RNF144A: variants seen among roughly 807,000 people sequenced by gnomAD.
RNF144A encodes the protein E3 ubiquitin-protein ligase RNF144A.
A neutral mutation model predicts 38.7 loss-of-function variants in RNF144A; 11 were observed. The observed-to-expected ratio is 0.28, with a 90% CI of 0.18 to 0.47. The LOEUF (loss-of-function observed/expected upper bound fraction) is 0.47. Among genes scored for constraint, RNF144A ranks in the 20% least tolerant of loss-of-function variants. RNF144A has a pLI of 0.99. For missense variants in RNF144A, 316 were observed against 377.2 expected, an observed-to-expected ratio of 0.84 and a Z score of 1.34; for synonymous variants, 149 against 143.9, an observed-to-expected ratio of 1.04 and a Z score of -0.25.
chr2:6,931,261 C>T (rs1665194505), intron 1 of RNF144A, among the ~76,000 whole-genome samples: 1 of 152,244 alleles, frequency 6.6e-6, no homozygotes, highest in South Asian at 2.1e-4. Flanking sequence ...TGTGACTTCT[C>T]TGTAAATGTT....
At chr2:6,995,265 T>C (rs916669164) in intron 2 of RNF144A, among the ~76,000 whole-genome samples, 1 of 152,064 alleles carries the variant, frequency 6.6e-6, no homozygotes, top group Admixed American at 6.6e-5. Flanking sequence ...GCTACTCAAA[T>C]GACAGTAAGT....
intron 3 of RNF144A, among the ~76,000 whole-genome samples, chr2:6,999,629 T>G (rs962108023): frequency 2.0e-5 from 3 of 152,228 alleles, no homozygotes; most frequent in Non-Finnish European, 4.4e-5. Context: ...GCTCTATTTC[T>G]GCCCTGAGCA....
Position 7,013,710 on chromosome 2 carries a change from T to A in RNF144A, c.136-744T>A, listed in dbSNP as rs370731827. Among the ~76,000 whole-genome samples, 14 of 152,368 alleles carry A rather than the reference T, an allele frequency of 9.2e-5. No homozygotes were observed. In the East Asian group the frequency reaches 1.2e-3, roughly 13 times the overall value. Reference sequence around the variant, plus strand: ...CAGGGAAACACTAGATTTCTAAGACTAGTAGACTTTGTAAAGCAGGAGTGA... The same window carrying A: ...CAGGGAAACACTAGATTTCTAAGACAAGTAGACTTTGTAAAGCAGGAGTGA... On this transcript the variant is annotated intron_variant, in intron 3 of 8. Coordinates refer to ENST00000320892, the MANE Select transcript of RNF144A (RefSeq NM_014746.6).
chr2:6,934,165 T>C (rs1412853843), intron 1 of RNF144A, among the ~76,000 whole-genome samples: 1 of 152,218 alleles, frequency 6.6e-6, no homozygotes, highest in Non-Finnish European at 1.5e-5. Flanking sequence ...TTCAACAGTA[T>C]TGGGTTTTTA....
Position 7,054,671 on chromosome 2 carries a change from T to G in RNF144A, c.735-13545T>G, listed in dbSNP as rs564158755. 2.6e-5 allele frequency among the ~76,000 whole-genome samples: 4 copies of G among 152,246 alleles called. No individual in the cohort carries two copies. The South Asian group carries it at 8.3e-4, about 32-fold the overall frequency. On this transcript the variant is annotated intron_variant, in intron 6 of 6. Coordinates refer to the RNF144A transcript ENST00000432850. ...AGGGAAGTAGCTAGCCCTTTTTGCCTTCCGTCTTTTCCACCATGAGAGGAC... is the reference window on the plus strand; with the variant it reads ...AGGGAAGTAGCTAGCCCTTTTTGCCGTCCGTCTTTTCCACCATGAGAGGAC...
intron 8 of RNF144A, among the ~76,000 whole-genome samples, chr2:7,039,029 G>A (rs1672870415): frequency 6.6e-6 from 1 of 152,066 alleles, no homozygotes; most frequent in East Asian, 1.9e-4. Flanking sequence ...GTAGATAGAT[G>A]GATGGGTAGG....
chr2:6,929,778 A>G (rs1308772072), intron 1 of RNF144A, among the ~76,000 whole-genome samples: 1 of 152,248 alleles, frequency 6.6e-6, no homozygotes, highest in African/African-American at 2.4e-5. Context: ...TAGTTACGAT[A>G]TAACTACCAT....
At position 6,917,700 on chromosome 2, in the gene RNF144A, C is replaced by G. The variant is rs1297537528; in HGVS notation, c.-212+78C>G. The G allele has an allele frequency of 2.0e-5, 3 of 148,196 alleles. No individual in the cohort carries two copies. The highest frequency in any genetic ancestry group is 4.9e-5 in the African/African-American group (2 of 40,980). 9.2% of individuals were successfully genotyped at this position (148,196 alleles called of 1,614,324 possible). ...GCGGGGAGGGCGGGACGCGGCGCTGCGCGGCCGGCCTTGGGGCTCGGGGCT... is the reference window on the plus strand; with the variant it reads ...GCGGGGAGGGCGGGACGCGGCGCTGGGCGGCCGGCCTTGGGGCTCGGGGCT... On this transcript the variant is annotated intron_variant, in intron 1 of 8. Transcript: ENST00000320892. The surrounding 1 kb of genome is among the most constrained non-coding windows in gnomAD (Gnocchi z 4.8).
chr2:6,975,005 A>G (rs1227014662), intron 2 of RNF144A, among the ~76,000 whole-genome samples: 1 of 152,254 alleles, frequency 6.6e-6, no homozygotes, highest in Non-Finnish European at 1.5e-5. Context: ...CTGAATAATT[A>G]TAATGGCTTT....
intron 8 of RNF144A, among the ~76,000 whole-genome samples, chr2:7,031,870 C>T (rs1672328596): frequency 6.6e-6 from 1 of 152,254 alleles, no homozygotes; most frequent in African/African-American, 2.4e-5. Context: ...CACCTGGCGG[C>T]ACAGAAGCTG....
intron 2 of RNF144A, among the ~76,000 whole-genome samples, chr2:6,981,445 A>T (rs1044383067): frequency 2.0e-5 from 3 of 152,112 alleles, no homozygotes; most frequent in Non-Finnish European, 2.9e-5. Flanking sequence ...CTGCTTAGAA[A>T]TTTCCTCTGC....
chr2:7,008,041 G>A (rs1025944038), intron 3 of RNF144A, among the ~76,000 whole-genome samples: 12 of 152,314 alleles, frequency 7.9e-5, no homozygotes, highest in South Asian at 2.1e-4. Flanking sequence ...CAGTCTCCAC[G>A]TCAGTGTCTT....
intron 2 of RNF144A, among the ~76,000 whole-genome samples, chr2:6,974,578 A>G (rs1668191494): frequency 6.6e-6 from 1 of 152,124 alleles, no homozygotes. Flanking sequence ...TCTTATGGGA[A>G]AAAGACAAGC....
In RNF144A at chr2:6,941,777, T is replaced by C. The variant is rs1666000541; in HGVS notation, c.-12+630T>C. ...GAACATGCACTTTAAGGAGGCGCAGTAACTAGCCACTTAGCATCTGGGCAA... is the reference window on the plus strand; with the variant it reads ...GAACATGCACTTTAAGGAGGCGCAGCAACTAGCCACTTAGCATCTGGGCAA... On this transcript the variant is annotated intron_variant, in intron 2 of 8. Transcript: ENST00000320892. This position sits in a 1 kb window ranked among gnomAD's most constrained non-coding sequence, Gnocchi z 6.5. Among the ~76,000 whole-genome samples, 2 of 152,240 alleles carry C rather than the reference T, an allele frequency of 1.3e-5. No homozygotes were observed. Among genetic ancestry groups the C allele is most frequent in the South Asian group, 4.1e-4 (2 of 4,836 alleles).
chr2:7,032,222 C>T (rs1054766133), intron 8 of RNF144A, among the ~76,000 whole-genome samples: 2 of 151,764 alleles, frequency 1.3e-5, no homozygotes, highest in African/African-American at 4.8e-5. Flanking sequence ...AATCCGCGCC[C>T]CTTGCAGCTC....
chr2:7,072,065 C>CAGTAGGAAGTAGGATGAT (rs1307868269), downstream of RNF144A, among the ~76,000 whole-genome samples: 1 of 152,160 alleles, frequency 6.6e-6, no homozygotes, highest in Non-Finnish European at 1.5e-5. Flanking sequence ...TGCTCAGTGA[C>CAGTAGGAAGTAGGATGAT]AGTAGGAAGT....
At chr2:7,029,892 C>G (rs897635498) in intron 7 of RNF144A, among the ~76,000 whole-genome samples, 1 of 152,220 alleles carries the variant, frequency 6.6e-6, no homozygotes, top group South Asian at 2.1e-4. Context: ...CTCTAGAGCC[C>G]GAGGCTGTGC....
At chr2:7,061,556 A>G (rs1187306651) in intron 6 of RNF144A, among the ~76,000 whole-genome samples, 2 of 152,164 alleles carry the variant, frequency 1.3e-5, no homozygotes, top group African/African-American at 2.4e-5. Flanking sequence ...TCCCGTGTCT[A>G]TCTGCACACA....
chr2:7,014,647 T>C, intron 4 of RNF144A, 65 bp from the exon 5 acceptor site: 2 of 1,536,934 alleles, frequency 1.3e-6, no homozygotes, highest in Non-Finnish European at 9.0e-7. Context: ...TGTTTGGGTG[T>C]GCGTTGCATT....
Sources: gnomAD v4.1 joint callset for allele counts (sites outside exome capture counted in the v4.1 genomes callset) on GRCh38, gnomAD v4.1.1 for gene constraint, Gnocchi (gnomAD v3.1) non-coding constraint, MANE v1.5 for transcripts, NCBI Gene and HGNC (gene_info 2026-07-23, HGNC 2026-07-21) for gene names.